DMRT1: variants seen among roughly 807,000 people sequenced by gnomAD.
DMRT1 encodes doublesex and mab-3 related transcription factor 1.
DMRT1 carries 7 observed loss-of-function variants against 32.3 expected under a neutral mutation model. The ratio of observed to expected loss-of-function variants is 0.22; its 90% CI spans 0.12 to 0.41. The LOEUF is 0.41. Ranked by LOEUF, DMRT1 falls within the 10% of genes least tolerant of loss-of-function variation. DMRT1 has a pLI of 1.00. For synonymous variants in DMRT1, 278 were observed against 206.1 expected (o/e 1.35, Z -2.99); for missense variants, 625 against 500.5 (o/e 1.25, Z -2.37).
At chr9:865,525 A>G (rs1010495277) in intron 2 of DMRT1, among the ~76,000 whole-genome samples, 15 of 152,326 alleles carry the variant, frequency 9.8e-5, no homozygotes, top group African/African-American at 3.6e-4. Flanking sequence ...AAGTACATGA[A>G]CAAGTCATAG....
intron 2 of DMRT1, among the ~76,000 whole-genome samples, chr9:864,614 T>C (rs1205721748): frequency 1.3e-5 from 2 of 151,214 alleles, no homozygotes; most frequent in Non-Finnish European, 2.9e-5. Flanking sequence ...TTCTCCTTCC[T>C]CAGCCTCCTG....
chr9:884,787 T>C (rs1023411453), intron 2 of DMRT1, among the ~76,000 whole-genome samples: 2 of 152,060 alleles, frequency 1.3e-5, no homozygotes, highest in African/African-American at 4.8e-5. Context: ...CTGGCCAACA[T>C]GGTGAAACCC....
chr9:852,634 G>A (rs1564196980), intron 2 of DMRT1, among the ~76,000 whole-genome samples: 1 of 152,184 alleles, frequency 6.6e-6, no homozygotes, highest in Non-Finnish European at 1.5e-5. Context: ...AGATAATTCA[G>A]TTCTGCATGT....
intron 1 of DMRT1, 67 bp downstream of exon 1, chr9:842,259 G>T (rs1281198096): frequency 1.4e-6 from 2 of 1,407,142 alleles, no homozygotes; most frequent in East Asian, 2.5e-5. Context: ...TTTTTAGATG[G>T]AGTCTCGCTC....
At chr9:845,662 T>G (rs1446089845) in intron 1 of DMRT1, among the ~76,000 whole-genome samples, 1 of 152,120 alleles carries the variant, frequency 6.6e-6, no homozygotes, top group Admixed American at 6.6e-5. Flanking sequence ...CTTCAGCCTC[T>G]TCTTCCTTCA....
Position 916,747 on chromosome 9 carries a change from C to T in DMRT1, c.823-16C>T. 6.2e-7 allele frequency: 1 copy of T among 1,613,982 alleles called. No homozygotes were observed. Among genetic ancestry groups the T allele is most frequent in the Non-Finnish European group, 8.5e-7 (1 of 1,179,872 alleles). ...CAATGTTGATCTCAGTATATTTCTT[C>T]TTTTTTCTTAAGCAGATGAAGAACA... is the stretch of plus-strand genomic sequence containing the variant. On this transcript the variant is annotated splice_polypyrimidine_tract_variant and intron_variant, in intron 3 of 4. Coordinates refer to ENST00000382276, the MANE Select transcript of DMRT1 (RefSeq NM_021951.3).
intron 4 of DMRT1, among the ~76,000 whole-genome samples, chr9:958,705 A>C (rs144172140): frequency 6.6e-6 from 1 of 152,340 alleles, no homozygotes; most frequent in East Asian, 1.9e-4. Context: ...TAAAAACCAT[A>C]TAGCTAAAGA....
At chr9:903,444 T>G (rs1477874898) in intron 3 of DMRT1, among the ~76,000 whole-genome samples, 1 of 152,232 alleles carries the variant, frequency 6.6e-6, no homozygotes, top group Non-Finnish European at 1.5e-5. Flanking sequence ...ATTACACCTT[T>G]CCTTGAAGGA....
intron 2 of DMRT1, among the ~76,000 whole-genome samples, chr9:867,052 C>T (rs540048478): frequency 4.3e-4 from 66 of 151,954 alleles, no homozygotes; most frequent in African/African-American, 1.6e-3. Context: ...TGATGTATGA[C>T]TTGGAGAGAA....
At chr9:944,166 AGGG>A (rs1564267947) in intron 4 of DMRT1, among the ~76,000 whole-genome samples, 64 of 152,218 alleles carry the variant, frequency 4.2e-4, no homozygotes, top group African/African-American at 1.5e-3. Context: ...GTGTTTCTAA[AGGG>A]CTTAACACTG....
At chr9:941,809 C>G (rs1208304403) in intron 4 of DMRT1, among the ~76,000 whole-genome samples, 1 of 152,082 alleles carries the variant, frequency 6.6e-6, no homozygotes, top group Non-Finnish European at 1.5e-5. Context: ...ATTATTTTCT[C>G]TTTATTTATG....
intron 2 of DMRT1, among the ~76,000 whole-genome samples, chr9:852,293 GA>G (rs35682202): frequency 1.4e-5 from 2 of 147,966 alleles, no homozygotes; most frequent in East Asian, 2.0e-4. Flanking sequence ...GGAGTATTCA[GA>G]AAAAAAAAAG....
At chr9:908,567 C>G (rs183892532) in intron 3 of DMRT1, among the ~76,000 whole-genome samples, 2 of 152,102 alleles carry the variant, frequency 1.3e-5, no homozygotes, top group Non-Finnish European at 2.9e-5. Flanking sequence ...AATTTTGGTT[C>G]TGTTTTTCCA....
In DMRT1 at chr9:887,155, C is replaced by T. The variant is rs569456638; in HGVS notation, c.539-6757C>T. Among the ~76,000 whole-genome samples, 11 of 152,286 alleles carry T rather than the reference C, an allele frequency of 7.2e-5. 1 individual carries two copies. The South Asian group carries it at 1.9e-3, about 26-fold the overall frequency. ...GCAGTGAGCCGAGATCAGGAGATCA[C>T]GCCACTGCACTCCAGCCTGGGAAAC... is the stretch of plus-strand genomic sequence containing the variant. On this transcript the variant is annotated intron_variant, in intron 2 of 4. Transcript: ENST00000382276.
intron 4 of DMRT1, among the ~76,000 whole-genome samples, chr9:919,424 GA>G (rs1384384029): frequency 7.2e-6 from 1 of 138,158 alleles, no homozygotes; most frequent in African/African-American, 2.6e-5. Flanking sequence ...TGGGCGGGGG[GA>G]GGGGGGCATT....
At chr9:866,319 A>T (rs1815988125) in intron 2 of DMRT1, among the ~76,000 whole-genome samples, 1 of 152,122 alleles carries the variant, frequency 6.6e-6, no homozygotes, top group Admixed American at 6.6e-5. Context: ...CAGATGAAGA[A>T]GCAGGAGGCA....
intron 3 of DMRT1, among the ~76,000 whole-genome samples, chr9:914,435 A>T (rs184291865): frequency 1.3e-5 from 2 of 151,752 alleles, no homozygotes; most frequent in Admixed American, 6.6e-5. Context: ...TTAGCCAGGC[A>T]TGGTGGCGGG....
intron 3 of DMRT1, among the ~76,000 whole-genome samples, chr9:899,644 G>A (rs140816388): frequency 2.1e-4 from 32 of 152,320 alleles, no homozygotes; most frequent in African/African-American, 7.5e-4. Context: ...CCGCTGACCA[G>A]CAGCTCAATT....
chr9:858,864 A>ATAT (rs1554743982), intron 2 of DMRT1, among the ~76,000 whole-genome samples: 1 of 29,052 alleles, frequency 3.4e-5, no homozygotes, highest in East Asian at 6.2e-4. Flanking sequence ...AAAAAAAAAA[A>ATAT]AAAAAAATAT....
Sources: gnomAD v4.1 joint callset for allele counts (sites outside exome capture counted in the v4.1 genomes callset) on GRCh38, gnomAD v4.1.1 for gene constraint, MANE v1.5 for transcripts, NCBI Gene and HGNC (gene_info 2026-07-23, HGNC 2026-07-21) for gene names.